Variants in RXRA observed in about 807,000 individuals in gnomAD.
RXRA encodes the protein retinoic acid receptor RXR-alpha.
Under a neutral mutation model 44.5 loss-of-function variants are expected in RXRA, and 5 were observed. The observed-to-expected ratio is 0.11, with a 90% CI of 0.06 to 0.24. RXRA has a LOEUF of 0.24. Ranked by LOEUF, RXRA falls within the 10% of genes least tolerant of loss-of-function variation. The pLI is 1.00. For missense variants in RXRA, 412 were observed against 646.5 expected (o/e 0.64, Z 3.93); for synonymous variants, 291 against 271.4 (o/e 1.07, Z -0.71).
chr9:134,352,806 G>A (rs1264042687), intron 1 of RXRA, among the ~76,000 whole-genome samples: 10 of 152,110 alleles, frequency 6.6e-5, no homozygotes, highest in African/African-American at 1.7e-4. Context: ...AGGTTGGAGC[G>A]GTCTCCCTTT....
intron 1 of RXRA, among the ~76,000 whole-genome samples, chr9:134,331,846 G>T (rs1554746680): frequency 6.6e-6 from 1 of 152,250 alleles, no homozygotes; most frequent in African/African-American, 2.4e-5. Context: ...CCCCAGGGTG[G>T]GGGCTCTGCT....
In RXRA at chr9:134,434,227, A is replaced by G. The variant is rs1334205818; in HGVS notation, c.1241+20A>G. On this transcript the variant is annotated intron_variant, in intron 9 of 9. Coordinates refer to ENST00000481739, the MANE Select transcript of RXRA (RefSeq NM_002957.6). ...GGGAAGGTGGGTCCCGCCCCGTCCCACACACACCCCAGACCCAGGCTCTTG... is the reference window on the plus strand; with the variant it reads ...GGGAAGGTGGGTCCCGCCCCGTCCCGCACACACCCCAGACCCAGGCTCTTG... The G allele has an allele frequency of 6.4e-7, 1 of 1,565,650 alleles. No homozygotes were observed. The highest frequency in any genetic ancestry group is 1.4e-5 in the African/African-American group (1 of 73,914).
At chr9:134,363,904 A>G (rs1830383466) in intron 1 of RXRA, among the ~76,000 whole-genome samples, 1 of 152,178 alleles carries the variant, frequency 6.6e-6, no homozygotes, top group South Asian at 2.1e-4. Context: ...TTTTGGGGAA[A>G]AGCCTCCCCT....
At chr9:134,416,160 C>A (rs1001103780) in intron 4 of RXRA, among the ~76,000 whole-genome samples, 1 of 152,146 alleles carries the variant, frequency 6.6e-6, no homozygotes, top group Non-Finnish European at 1.5e-5. Context: ...TCCCCCGGCA[C>A]TTGGGATCCC....
rs199797293 is a variant in RXRA at position 134,408,240 on chromosome 9, C to T, written c.371C>T (p.Ser124Leu). ...NGVLKVPAHP[S>L]GNMASFTKHI... ...GTCCTCAAGGTCCCCGCCCACCCCT[C>T]AGGAAACATGGCTTCCTTCACCAAG... The change falls in exon 3 of 10, where the codon TCA (serine) becomes TTA (leucine). Residue 124 changes from serine (S) to leucine (L), a missense_variant. By Grantham distance (145) the Ser-to-Leu change is moderately radical (BLOSUM62 -2). Around this residue, in one of 4 missense-constraint regions of RXRA, gnomAD observed 156 missense variants for 177.2 expected, o/e 0.88. Transcript: ENST00000481739. 3.7e-6 allele frequency: 6 copies of T among 1,612,292 alleles called. No individual in the cohort carries two copies. The African/African-American group carries it at 4.0e-5, about 11-fold the overall frequency.
Position 134,436,544 on chromosome 9 carries a change from A to G in RXRA, c.1319A>G (p.Lys440Arg), listed in dbSNP as rs372560459. 2 of 1,614,142 alleles carry G rather than the reference A, an allele frequency of 1.2e-6. No individual in the cohort carries two copies. The highest frequency in any genetic ancestry group is 8.5e-7 in the Non-Finnish European group (1 of 1,180,034). Reference protein sequence around the residue: ...LKCLEHLFFFKLIGDTPIDTF... With the variant: ...LKCLEHLFFFRLIGDTPIDTF... Reference sequence around the variant, plus strand: ...TGCCTGGAACATCTCTTCTTCTTCAAGCTCATCGGGGACACACCCATTGAC... The same window carrying G: ...TGCCTGGAACATCTCTTCTTCTTCAGGCTCATCGGGGACACACCCATTGAC... Residue 440 changes from lysine to arginine, a missense_variant, in exon 10 of 10, where the codon AAG becomes AGG. Physicochemically the swap from Lys to Arg is conservative, Grantham distance 26. Coordinates refer to ENST00000481739, the MANE Select transcript of RXRA (RefSeq NM_002957.6).
At chr9:134,431,579 A>G (rs1831532566) in intron 7 of RXRA, among the ~76,000 whole-genome samples, 1 of 152,210 alleles carries the variant, frequency 6.6e-6, no homozygotes, top group African/African-American at 2.4e-5. Flanking sequence ...CCCTCTGTGC[A>G]GCTGCGGCTC....
At chr9:134,378,025 C>T (rs1414364361) in intron 1 of RXRA, among the ~76,000 whole-genome samples, 3 of 152,250 alleles carry the variant, frequency 2.0e-5, no homozygotes, top group Non-Finnish European at 4.4e-5. Flanking sequence ...GTGCTGTCCT[C>T]CTGGAGTGGT....
At chr9:134,427,135 A>C in intron 6 of RXRA, 1 of 985,102 alleles carries the variant, frequency 1.0e-6, no homozygotes, top group Non-Finnish European at 1.2e-6. Flanking sequence ...GACTTCTCCC[A>C]AATGTGATGC....
At chr9:134,337,744 T>C (rs997732102) in intron 1 of RXRA, among the ~76,000 whole-genome samples, 1 of 152,100 alleles carries the variant, frequency 6.6e-6, no homozygotes, top group Non-Finnish European at 1.5e-5. Flanking sequence ...GTCGAAGGTT[T>C]CCAGGGCAGA....
At chr9:134,379,954 C>T (rs1408588500) in intron 1 of RXRA, 1 of 985,170 alleles carries the variant, frequency 1.0e-6, no homozygotes, top group East Asian at 1.1e-4. Context: ...AGCCTGCTCC[C>T]CTGGGGGTTG....
rs529820205 is a variant in RXRA, at chr9:134,400,241, C to T, written c.29-1391C>T. On this transcript the variant is annotated intron_variant, in intron 1 of 9. Transcript: ENST00000481739. ...CTTCCTCCCGCTCTAGCCTGGCACC[C>T]AGCGAGTGAGCCAGTGCCCTGGACA... 7.2e-5 allele frequency among the ~76,000 whole-genome samples: 11 copies of T among 152,342 alleles called. No individual in the cohort carries two copies. The South Asian group carries it at 2.3e-3, about 32-fold the overall frequency.
intron 9 of RXRA, among the ~76,000 whole-genome samples, chr9:134,435,473 C>A (rs924629581): frequency 9.2e-5 from 14 of 152,006 alleles, no homozygotes; most frequent in Admixed American, 8.5e-4. Flanking sequence ...CTCCCTCCCT[C>A]CCCGGCCAGC....
At chr9:134,359,308 G>A (rs1830321182) in intron 1 of RXRA, among the ~76,000 whole-genome samples, 1 of 152,096 alleles carries the variant, frequency 6.6e-6, no homozygotes, top group Admixed American at 6.5e-5. Context: ...GCCGCCGGCG[G>A]CTCTGAAGTG....
intron 1 of RXRA, among the ~76,000 whole-genome samples, chr9:134,395,233 C>T (rs1344472531): frequency 6.6e-6 from 1 of 152,268 alleles, no homozygotes; most frequent in East Asian, 1.9e-4. Context: ...GGCGTTGTGT[C>T]TGGTGCAGAC....
At chr9:134,389,997 T>C (rs942478068) in intron 1 of RXRA, among the ~76,000 whole-genome samples, 23 of 152,304 alleles carry the variant, frequency 1.5e-4, no homozygotes, top group Admixed American at 1.0e-3. Flanking sequence ...TACCCTGATA[T>C]GTGCCGATTG....
At chr9:134,329,950 G>A (rs1834977241) in intron 1 of RXRA, among the ~76,000 whole-genome samples, 1 of 152,196 alleles carries the variant, frequency 6.6e-6, no homozygotes, top group Admixed American at 6.5e-5. Context: ...GGGGGCTCTG[G>A]CATCAGGAGA....
chr9:134,328,709 G>A (rs1395212539), intron 1 of RXRA, among the ~76,000 whole-genome samples: 1 of 152,228 alleles, frequency 6.6e-6, no homozygotes. Flanking sequence ...GGTGAGTGGT[G>A]GTGGAGGGCC....
intron 5 of RXRA, among the ~76,000 whole-genome samples, chr9:134,420,268 CAGA>C (rs1480074193): frequency 3.9e-5 from 6 of 152,242 alleles, no homozygotes; most frequent in Admixed American, 6.5e-5. Context: ...CCCAGCGTGA[CAGA>C]AGGAGAGGCT....
Sources: allele counts gnomAD v4.1 joint callset (sites outside exome capture counted in the v4.1 genomes callset), GRCh38; gene constraint gnomAD v4.1.1; regional missense constraint gnomAD v4.1.1; transcripts MANE v1.5; gene names NCBI Gene and HGNC (gene_info 2026-07-23, HGNC 2026-07-21).